THSD4: variants seen among roughly 807,000 people sequenced by gnomAD.
THSD4 encodes thrombospondin type 1 domain containing 4.
Under a neutral mutation model 119.0 loss-of-function variants are expected in THSD4, and 69 were observed. That is an observed-to-expected ratio of 0.58 (90% CI 0.48 to 0.71). THSD4 has a LOEUF of 0.71. Ranked by LOEUF, THSD4 falls within the 30% of genes least tolerant of loss-of-function variation. The probability of loss-of-function intolerance (pLI) is 0.00; values close to 1 mark genes in which losing one functional copy is unlikely to be tolerated. For synonymous variants in THSD4, 524 were observed against 540.4 expected, an observed-to-expected ratio of 0.97 and a Z score of 0.42; for missense variants, 1,393 against 1,391.1, an observed-to-expected ratio of 1.00 and a Z score of -0.02.
chr15:71,504,094 T>A (rs1018245317), intron 7 of THSD4, among the ~76,000 whole-genome samples: 26 of 152,254 alleles, frequency 1.7e-4, no homozygotes, highest in Non-Finnish European at 2.9e-5. Flanking sequence ...TGAAGGCTTT[T>A]CAAACAGCAC....
chr15:71,206,958 A>T (rs1045850867), intron 3 of THSD4, among the ~76,000 whole-genome samples: 3 of 152,194 alleles, frequency 2.0e-5, no homozygotes, highest in Non-Finnish European at 2.9e-5. Context: ...GTCACCTTCC[A>T]GGCTCTGTTC....
chr15:71,111,395 A>C, upstream of THSD4: 1 of 1,612,086 alleles, frequency 6.2e-7, no homozygotes, highest in Non-Finnish European at 8.5e-7. Flanking sequence ...AGGGCACAGG[A>C]ACTCAGACTG....
At chr15:71,540,479 A>T (rs1339949991) in intron 7 of THSD4, among the ~76,000 whole-genome samples, 1 of 129,818 alleles carries the variant, frequency 7.7e-6, no homozygotes. Flanking sequence ...CCCAGGCTGG[A>T]GTGCAGTGGC....
chr15:71,563,927 G>T (rs1335945246), intron 7 of THSD4, among the ~76,000 whole-genome samples: 1 of 152,138 alleles, frequency 6.6e-6, no homozygotes, highest in Non-Finnish European at 1.5e-5. Context: ...GACTTGTTTT[G>T]GGGGTGTGGG....
intron 6 of THSD4, among the ~76,000 whole-genome samples, chr15:71,357,477 A>C (rs569134387): frequency 6.6e-6 from 1 of 152,300 alleles, no homozygotes; most frequent in South Asian, 2.1e-4. Flanking sequence ...GGCTTCTCTA[A>C]GAGGGCGTGG....
intron 6 of THSD4, among the ~76,000 whole-genome samples, chr15:71,361,320 T>A (rs2045889500): frequency 6.6e-6 from 1 of 152,026 alleles, no homozygotes; most frequent in Non-Finnish European, 1.5e-5. Context: ...AAGTGCTACC[T>A]CCCAAAAAAG....
At chr15:71,305,402 C>T (rs2045010602) in intron 6 of THSD4, among the ~76,000 whole-genome samples, 2 of 152,146 alleles carry the variant, frequency 1.3e-5, no homozygotes, top group Non-Finnish European at 2.9e-5. Context: ...AGATCACCCC[C>T]AGGAGTTGGC....
intron 17 of THSD4, among the ~76,000 whole-genome samples, chr15:71,774,780 A>C (rs1401723390): frequency 7.8e-6 from 1 of 128,728 alleles, no homozygotes; most frequent in Non-Finnish European, 1.5e-5. Flanking sequence ...CCATCTCTGA[A>C]AAAAAAAAAA....
intron 6 of THSD4, among the ~76,000 whole-genome samples, chr15:71,263,365 A>G (rs899310701): frequency 7.1e-6 from 1 of 140,478 alleles, no homozygotes; most frequent in Non-Finnish European, 1.5e-5. Flanking sequence ...TTCTTTATCA[A>G]GTTTATCATT....
At chr15:71,682,013 G>A (rs755049155) in intron 8 of THSD4, among the ~76,000 whole-genome samples, 5 of 152,186 alleles carry the variant, frequency 3.3e-5, no homozygotes, top group Non-Finnish European at 7.3e-5. Context: ...TCATGGGCAC[G>A]GTCTCTCAGT....
chr15:71,422,509 G>C (rs779660076), intron 7 of THSD4, among the ~76,000 whole-genome samples: 1 of 152,188 alleles, frequency 6.6e-6, no homozygotes, highest in African/African-American at 2.4e-5. Context: ...GGTAGAGACT[G>C]TTGTTGTCTC....
chr15:71,114,692 A>G (rs1456608736), upstream of THSD4, among the ~76,000 whole-genome samples: 1 of 152,226 alleles, frequency 6.6e-6, no homozygotes, highest in African/African-American at 2.4e-5. Flanking sequence ...TCGTAAAATG[A>G]AGGGATCAAA....
intron 1 of THSD4, among the ~76,000 whole-genome samples, chr15:71,108,521 T>G (rs977485078): frequency 1.3e-5 from 2 of 152,236 alleles, no homozygotes; most frequent in African/African-American, 4.8e-5. Flanking sequence ...TCTGACAGCC[T>G]GAAGCCCCTG....
Position 71,165,340 on chromosome 15 carries a change from G to T in THSD4, c.99+10408G>T, listed in dbSNP as rs915668333. The T allele has an allele frequency of 5.2e-6, 8 of 1,551,326 alleles. No homozygotes were observed. The African/African-American group carries it at 6.9e-5, about 13-fold the overall frequency. ...GAAGCATCTGGGTGCTTCTTCTTAT[G>T]CTCCTCCCGACGTTTGCACAAAAAA... On this transcript the variant is annotated intron_variant, in intron 3 of 17. Coordinates refer to ENST00000261862, the MANE Select transcript of THSD4 (RefSeq NM_024817.3).
intron 7 of THSD4, among the ~76,000 whole-genome samples, chr15:71,424,532 T>A (rs2046845628): frequency 1.3e-5 from 2 of 152,164 alleles, no homozygotes; most frequent in Admixed American, 6.6e-5. Context: ...ATTGGAAGCC[T>A]GCAGAGATTC....
At chr15:71,162,720 T>G (rs1172062901) in intron 3 of THSD4, among the ~76,000 whole-genome samples, 2 of 152,074 alleles carry the variant, frequency 1.3e-5, no homozygotes, top group East Asian at 1.9e-4. Flanking sequence ...AGATTTCCTG[T>G]GCCTTTCTCC....
chr15:71,133,939 A>G (rs1476363924), intron 1 of THSD4, among the ~76,000 whole-genome samples: 1 of 152,220 alleles, frequency 6.6e-6, no homozygotes, highest in Non-Finnish European at 1.5e-5. Context: ...AGGACGGAGA[A>G]GCACGGTGTT....
intron 4 of THSD4, among the ~76,000 whole-genome samples, chr15:71,229,373 T>C (rs1009852301): frequency 6.6e-6 from 1 of 152,236 alleles, no homozygotes; most frequent in Admixed American, 6.5e-5. Flanking sequence ...GGATTGATAT[T>C]GATTCCAGGA....
intron 7 of THSD4, among the ~76,000 whole-genome samples, chr15:71,453,529 T>A (rs967972396): frequency 7.2e-5 from 11 of 152,196 alleles, no homozygotes; most frequent in Admixed American, 2.0e-4. Context: ...CAGGAGCAGA[T>A]GTGAAATTAT....
Sources: allele counts gnomAD v4.1 joint callset (sites outside exome capture counted in the v4.1 genomes callset), GRCh38; gene constraint gnomAD v4.1.1; transcripts MANE v1.5; gene names NCBI Gene and HGNC (gene_info 2026-07-23, HGNC 2026-07-21).